Variants in COL15A1 observed in about 807,000 individuals in gnomAD.
The protein encoded by COL15A1 is collagen type XV alpha 1 chain.
In COL15A1, 111 loss-of-function variants were observed where a neutral mutation model predicts 165.9. The observed-to-expected ratio is 0.67, with a 90% CI of 0.57 to 0.78. COL15A1 has a LOEUF of 0.78. Among genes scored for constraint, COL15A1 ranks in the 30% least tolerant of loss-of-function variants. The pLI is 0.00. For missense variants in COL15A1, 1,745 were observed against 1,789.7 expected, an observed-to-expected ratio of 0.98 and a Z score of 0.45; for synonymous variants, 659 against 674.8, an observed-to-expected ratio of 0.98 and a Z score of 0.36.
Position 99,024,876 on chromosome 9 carries a change from T to C in COL15A1, c.1857T>C (p.Gly619=), listed in dbSNP as rs1040529229. ...TAACAGAGTCTTTGTGTTTTTAGGG[T>C]CCTCCAGGACCCCCAGGGCCACCTG... ...DLVGSEQLLR[G]PPGPPGPPGL... The change falls in exon 15 of 42, where the codon GGT becomes GGC. Residue 619 remains glycine (G), a splice_region_variant and synonymous_variant. Transcript: ENST00000375001. 2.5e-6 allele frequency: 4 copies of C among 1,612,506 alleles called. No individual in the cohort carries two copies. The highest frequency in any genetic ancestry group is 2.7e-5 in the African/African-American group (2 of 74,748).
chr9:98,978,584 A>C (rs1021175103), intron 2 of COL15A1, among the ~76,000 whole-genome samples: 2 of 152,194 alleles, frequency 1.3e-5, no homozygotes, highest in Non-Finnish European at 2.9e-5. Flanking sequence ...ACCGTGGAGG[A>C]AAGAAAAGAA....
intron 5 of COL15A1, among the ~76,000 whole-genome samples, chr9:98,992,282 G>A (rs113824005): frequency 2.6e-5 from 4 of 152,244 alleles, no homozygotes; most frequent in Admixed American, 6.5e-5. Flanking sequence ...GTGAGAATTC[G>A]AGAGCAGTGC....
At chr9:99,046,503 G>A (rs77909708) in intron 26 of COL15A1, among the ~76,000 whole-genome samples, 4,254 of 152,258 alleles carry the variant, frequency 0.028, 185 homozygotes, top group African/African-American at 0.099. Context: ...AATTTACAAA[G>A]AAAAGAGGTT....
chr9:98,976,897 A>G (rs1838150176), intron 2 of COL15A1, among the ~76,000 whole-genome samples: 1 of 152,176 alleles, frequency 6.6e-6, no homozygotes, highest in African/African-American at 2.4e-5. Flanking sequence ...AGAAGACTTC[A>G]TGGAGGAGGT....
chr9:99,042,159 C>A, intron 24 of COL15A1, 52 bp downstream of exon 24: 2 of 1,324,116 alleles, frequency 1.5e-6, no homozygotes, highest in Non-Finnish European at 2.1e-6. Flanking sequence ...ATTTGCTAAA[C>A]GTTTCAGATT....
chr9:99,004,894 T>G lies in COL15A1; in HGVS notation c.1201-4T>G. 1 of 1,613,986 alleles carries G rather than the reference T, an allele frequency of 6.2e-7. No individual in the cohort carries two copies. The highest frequency in any genetic ancestry group is 8.5e-7 in the Non-Finnish European group (1 of 1,179,898). On this transcript the variant is annotated splice_region_variant and splice_polypyrimidine_tract_variant and intron_variant, in intron 8 of 41. Transcript: ENST00000375001. ...GACGCGGTTCCTGTTGACTTTCTAT[T>G]CAGGGTCCAGATAATGAAGAGCGTT...
chr9:98,981,950 G>C (rs1176629035), intron 2 of COL15A1, among the ~76,000 whole-genome samples: 1 of 151,934 alleles, frequency 6.6e-6, no homozygotes, highest in African/African-American at 2.4e-5. Context: ...TTACAGGCAC[G>C]CACTACCACA....
In COL15A1 at chr9:98,986,120, A is replaced by T. The variant is rs768805861; in HGVS notation, c.648+8A>T. On this transcript the variant is annotated splice_region_variant and intron_variant, in intron 3 of 41. Coordinates refer to ENST00000375001, the MANE Select transcript of COL15A1 (RefSeq NM_001855.5). ...GGGCTCGAGAGATTCACTGTGAGTTAAAGTCCCACTCCAGGTAGATCAGGG... is the reference window on the plus strand; with the variant it reads ...GGGCTCGAGAGATTCACTGTGAGTTTAAGTCCCACTCCAGGTAGATCAGGG... 10 of 1,607,870 alleles carry T rather than the reference A, an allele frequency of 6.2e-6. No homozygotes were observed. Among genetic ancestry groups the T allele is most frequent in the Non-Finnish European group, 8.5e-6 (10 of 1,175,672 alleles).
Position 99,024,983 on chromosome 9 carries a change from G to C in COL15A1, c.1964G>C (p.Gly655Ala). ...PGSPGEDGPA[G>A]EPGPPGPEGQ... The stretch of plus-strand genomic sequence containing the variant: ...TCTCCTGGAGAGGATGGACCTGCTG[G>C]TGAACCTGGGCCCCCGGTGAGCAAC... The change falls in exon 15 of 42, where the codon GGT becomes GCT. Residue 655 changes from glycine (G) to alanine (A), a missense_variant. Transcript: ENST00000375001. The C allele has an allele frequency of 6.2e-7, 1 of 1,613,500 alleles. No individual in the cohort carries two copies. Among genetic ancestry groups the C allele is most frequent in the South Asian group, 1.1e-5 (1 of 90,974 alleles).
chr9:99,043,721 A>G (rs1267849549), intron 24 of COL15A1, among the ~76,000 whole-genome samples: 1 of 152,170 alleles, frequency 6.6e-6, no homozygotes, highest in Non-Finnish European at 1.5e-5. Flanking sequence ...CCCATTGAAA[A>G]GAGACTTCTG....
chr9:98,962,708 G>A (rs1305528044), intron 2 of COL15A1, among the ~76,000 whole-genome samples: 1 of 152,154 alleles, frequency 6.6e-6, no homozygotes, highest in South Asian at 2.1e-4. Context: ...CCCAACTTGT[G>A]GGGGATATTT....
At chr9:99,027,200 C>T (rs181353634) in intron 16 of COL15A1, among the ~76,000 whole-genome samples, 143 of 152,268 alleles carry the variant, frequency 9.4e-4, no homozygotes, top group Middle Eastern at 3.4e-3. Flanking sequence ...GGGATGCGAT[C>T]AGTGGGTTTT....
intron 6 of COL15A1, among the ~76,000 whole-genome samples, chr9:99,000,355 G>A (rs915991495): frequency 6.6e-6 from 1 of 151,388 alleles, no homozygotes; most frequent in Non-Finnish European, 1.5e-5. Context: ...TATATATTAT[G>A]TATGTCATAA....
intron 6 of COL15A1, among the ~76,000 whole-genome samples, chr9:98,998,384 G>GA (rs1588508082): frequency 6.6e-6 from 1 of 152,160 alleles, no homozygotes; most frequent in African/African-American, 2.4e-5. Context: ...GAACTGGAGA[G>GA]AAAAAATTGT....
At chr9:99,044,889 C>A in intron 26 of COL15A1, 119 bp downstream of exon 26, 2 of 896,796 alleles carry the variant, frequency 2.2e-6, no homozygotes, top group Non-Finnish European at 3.6e-6. Context: ...CAAAGATGTG[C>A]AAAATGTGCA....
intron 2 of COL15A1, among the ~76,000 whole-genome samples, chr9:98,980,138 C>T (rs1173819435): frequency 6.8e-6 from 1 of 147,548 alleles, no homozygotes; most frequent in African/African-American, 2.6e-5. Flanking sequence ...CCCACCTGGG[C>T]AACAGAGCAA....
chr9:98,987,359 A>G lies in COL15A1; in HGVS notation c.714A>G (p.Glu238=). 6.2e-7 allele frequency: 1 copy of G among 1,612,202 alleles called. No individual in the cohort carries two copies. Among genetic ancestry groups the G allele is most frequent in the Non-Finnish European group, 8.5e-7 (1 of 1,179,194 alleles). ...CTCCCGAGGAGCTGTGTGACCCTGA[A>G]GAGTCCTCGGTGAGCTCCCCTACTA... is the stretch of plus-strand genomic sequence containing the variant. ...PRTPEELCDP[E]ESSASGETSG... The change falls in exon 4 of 42, where the codon GAA becomes GAG. Residue 238 remains glutamate (E), a synonymous_variant. Coordinates refer to ENST00000375001, the MANE Select transcript of COL15A1 (RefSeq NM_001855.5).
chr9:99,021,626 T>C (rs764401039), intron 12 of COL15A1, among the ~76,000 whole-genome samples: 156 of 152,294 alleles, frequency 1.0e-3, no homozygotes, highest in Non-Finnish European at 1.7e-3. Context: ...TGGAGGTGAT[T>C]CAGGCACTGT....
At chr9:99,066,610 T>TG (rs1409554528) in intron 39 of COL15A1, among the ~76,000 whole-genome samples, 1 of 145,534 alleles carries the variant, frequency 6.9e-6, no homozygotes, top group Admixed American at 6.8e-5. Context: ...TTTTTTTTTT[T>TG]TTTTTTTTTT....
Sources: gnomAD v4.1 joint callset for allele counts (sites outside exome capture counted in the v4.1 genomes callset) on GRCh38, gnomAD v4.1.1 for gene constraint, MANE v1.5 for transcripts, NCBI Gene and HGNC (gene_info 2026-07-23, HGNC 2026-07-21) for gene names.